THSD7B: variants seen among roughly 807,000 people sequenced by gnomAD.
THSD7B encodes the protein thrombospondin type-1 domain-containing protein 7B.
In THSD7B, 138 loss-of-function variants were observed where a neutral mutation model predicts 213.6. The observed-to-expected ratio is 0.65, with a 90% CI of 0.56 to 0.74. The LOEUF is 0.74. THSD7B is among the 30% of genes least tolerant of loss of function. The probability of loss-of-function intolerance (pLI) is 0.00; values close to 1 mark genes in which losing one functional copy is unlikely to be tolerated. For synonymous variants in THSD7B, 742 were observed against 687.0 expected (o/e 1.08, Z -1.25); for missense variants, 1,931 against 1,991.5 (o/e 0.97, Z 0.58).
At position 137,592,959 on chromosome 2, in the gene THSD7B, T is replaced by TA. The variant is rs144333100; in HGVS notation, c.3423+20403_3423+20404insA. ...AGTGAAATAATACCCTAGACTTTTG[T>TA]GTATGATCTCATTAGCTCAACATTA... On this transcript the variant is annotated intron_variant, in intron 17 of 27. Transcript: ENST00000409968. Among the ~76,000 whole-genome samples the TA allele has an allele frequency of 5.9e-3, 897 of 152,062 alleles. 9 individuals are homozygous for TA. Among genetic ancestry groups the TA allele is most frequent in the African/African-American group, 0.021 (853 of 41,536 alleles).
intron 14 of THSD7B, among the ~76,000 whole-genome samples, chr2:137,444,045 AT>A (rs1687475725): frequency 6.6e-6 from 1 of 152,046 alleles, no homozygotes; most frequent in African/African-American, 2.4e-5. Context: ...GCAGTAAGAT[AT>A]TTTCTACTGG....
At chr2:137,367,852 A>G (rs1168006251) in intron 12 of THSD7B, among the ~76,000 whole-genome samples, 2 of 152,062 alleles carry the variant, frequency 1.3e-5, no homozygotes, top group Non-Finnish European at 2.9e-5. Context: ...AAGGCTACCA[A>G]TTCCATCATG....
At chr2:137,173,040 T>A (rs1680288570) in intron 7 of THSD7B, among the ~76,000 whole-genome samples, 1 of 152,202 alleles carries the variant, frequency 6.6e-6, no homozygotes. Flanking sequence ...GCATCCTTTC[T>A]TTCAGCTGCC....
rs1408977639 is a variant in THSD7B at position 137,244,088 on chromosome 2, G to C, written c.2266+1516G>C. On this transcript the variant is annotated intron_variant, in intron 10 of 27. Transcript: ENST00000409968. The stretch of plus-strand genomic sequence containing the variant: ...GTAATGTCGTTTCAAAGCAGGCAAG[G>C]ATAGAAAAGCTTCTGTCTCTACTCT... Among the ~76,000 whole-genome samples, 5 of 152,154 alleles carry C rather than the reference G, an allele frequency of 3.3e-5. No individual in the cohort carries two copies. The South Asian group carries it at 6.2e-4, about 19-fold the overall frequency.
chr2:137,289,638 T>G (rs1683275893), intron 12 of THSD7B, among the ~76,000 whole-genome samples: 1 of 152,132 alleles, frequency 6.6e-6, no homozygotes, highest in African/African-American at 2.4e-5. Context: ...TTGTAGATTT[T>G]TTTAAATAAT....
At chr2:137,086,074 C>T (rs537827702) in intron 3 of THSD7B, among the ~76,000 whole-genome samples, 6 of 152,186 alleles carry the variant, frequency 3.9e-5, no homozygotes, top group East Asian at 3.9e-4. Context: ...TGGCTGGGTG[C>T]GGTGGCTTAT....
chr2:137,123,465 G>A (rs1408588501), intron 5 of THSD7B, among the ~76,000 whole-genome samples: 1 of 152,064 alleles, frequency 6.6e-6, no homozygotes, highest in Non-Finnish European at 1.5e-5. Context: ...GATAAATGGT[G>A]GTCAGCAGGA....
chr2:136,951,216 G>A (rs1340699056), intron 2 of THSD7B, among the ~76,000 whole-genome samples: 1 of 152,090 alleles, frequency 6.6e-6, no homozygotes, highest in Non-Finnish European at 1.5e-5. Flanking sequence ...GCCTTTGAGA[G>A]ATAGCTTTAT....
At chr2:137,638,821 C>A (rs976810621) in intron 20 of THSD7B, among the ~76,000 whole-genome samples, 1 of 152,054 alleles carries the variant, frequency 6.6e-6, no homozygotes, top group Non-Finnish European at 1.5e-5. Context: ...TTTGCCCCTG[C>A]CCTAGAGATT....
intron 14 of THSD7B, among the ~76,000 whole-genome samples, chr2:137,422,493 C>T (rs1686951063): frequency 6.6e-6 from 1 of 152,116 alleles, no homozygotes; most frequent in South Asian, 2.1e-4. Context: ...GTTTGAGGAG[C>T]TCATGTTGTC....
At chr2:137,662,407 C>G (rs1301137185) in intron 25 of THSD7B, among the ~76,000 whole-genome samples, 1 of 151,720 alleles carries the variant, frequency 6.6e-6, no homozygotes, top group Admixed American at 6.6e-5. Flanking sequence ...TTTTGGGAGA[C>G]TGCCTTTCCC....
intron 1 of THSD7B, among the ~76,000 whole-genome samples, chr2:136,860,114 T>G (rs1683237220): frequency 7.0e-6 from 1 of 142,328 alleles, no homozygotes. Context: ...GCCTCCCGGG[T>G]TCACGCCATT....
At chr2:137,199,007 G>C (rs982925112) in intron 7 of THSD7B, among the ~76,000 whole-genome samples, 5 of 152,144 alleles carry the variant, frequency 3.3e-5, no homozygotes, top group Admixed American at 2.6e-4. Flanking sequence ...AGTAGATGCT[G>C]TTAAGGCTTC....
At chr2:136,950,076 ACCCTGTCT>A (rs1685008702) in intron 2 of THSD7B, among the ~76,000 whole-genome samples, 1 of 152,028 alleles carries the variant, frequency 6.6e-6, no homozygotes, top group Non-Finnish European at 1.5e-5. Flanking sequence ...CTATGGTGAA[ACCCTGTCT>A]CTACTAAAAA....
intron 5 of THSD7B, among the ~76,000 whole-genome samples, chr2:137,127,977 T>C (rs1470282687): frequency 1.3e-5 from 2 of 151,560 alleles, no homozygotes; most frequent in Non-Finnish European, 2.9e-5. Context: ...TATAGTATAT[T>C]AAACACAATA....
At chr2:136,939,714 A>G (rs2105058167) in intron 2 of THSD7B, among the ~76,000 whole-genome samples, 1 of 152,250 alleles carries the variant, frequency 6.6e-6, no homozygotes, top group Non-Finnish European at 1.5e-5. Context: ...TTATATATGC[A>G]TCTTACCTCT....
chr2:137,568,293 GT>G (rs1211616343), intron 16 of THSD7B, among the ~76,000 whole-genome samples: 1 of 152,130 alleles, frequency 6.6e-6, no homozygotes, highest in Non-Finnish European at 1.5e-5. Flanking sequence ...TAAAAGTGAG[GT>G]GATGACTGAA....
chr2:137,288,977 C>G lies in THSD7B; in HGVS notation c.2500+12951C>G, dbSNP rs1683252349. Among the ~76,000 whole-genome samples the G allele has an allele frequency of 2.0e-5, 3 of 152,132 alleles. 1 individual carries two copies. In the East Asian group the frequency reaches 5.8e-4, roughly 29 times the overall value. On this transcript the variant is annotated intron_variant, in intron 12 of 27. Coordinates refer to ENST00000409968, the MANE Select transcript of THSD7B (RefSeq NM_001316349.2). Reference sequence around the variant, plus strand: ...CAAATCATAGTTGTTCCACTTGCTACTTGAGTGAACTTGGTTGAACCACTT... The same window carrying G: ...CAAATCATAGTTGTTCCACTTGCTAGTTGAGTGAACTTGGTTGAACCACTT...
intron 7 of THSD7B, among the ~76,000 whole-genome samples, chr2:137,230,436 A>G (rs188078271): frequency 3.3e-5 from 5 of 152,268 alleles, no homozygotes; most frequent in Admixed American, 2.6e-4. Context: ...AGATTATTCA[A>G]GGGGGAATAT....
Sources: gnomAD v4.1 joint callset for allele counts (sites outside exome capture counted in the v4.1 genomes callset) on GRCh38, gnomAD v4.1.1 for gene constraint, MANE v1.5 for transcripts, NCBI Gene and HGNC (gene_info 2026-07-23, HGNC 2026-07-21) for gene names.